The following ARHGAP6 variants were observed in gnomAD, a reference collection of about 807,000 sequenced individuals.
ARHGAP6 encodes the protein rho GTPase-activating protein 6.
In ARHGAP6, 16 loss-of-function variants were observed where a neutral mutation model predicts 55.7. The observed-to-expected ratio is 0.29, with a 90% CI of 0.19 to 0.44. The LOEUF is 0.44. Among genes scored for constraint, ARHGAP6 ranks in the 20% least tolerant of loss-of-function variants. The probability of loss-of-function intolerance (pLI) is 1.00; values close to 1 mark genes in which losing one functional copy is unlikely to be tolerated. For missense variants in ARHGAP6, 698 were observed against 808.9 expected (o/e 0.86, Z 1.66); for synonymous variants, 382 against 360.9 (o/e 1.06, Z -0.66).
chrX:11,174,032 T>A (rs1422053821), intron 8 of ARHGAP6, among the ~76,000 whole-genome samples: 1 of 111,980 alleles, frequency 8.9e-6, no homozygotes, highest in Non-Finnish European at 1.9e-5. Context: ...AAATATTGGT[T>A]TTTGACCATA....
chrX:11,395,466 C>T (rs772907533), intron 1 of ARHGAP6, among the ~76,000 whole-genome samples: 10 of 112,150 alleles, frequency 8.9e-5, no homozygotes, highest in African/African-American at 1.3e-4. Context: ...CTCTGATTTG[C>T]GCCATTTGTT....
intron 1 of ARHGAP6, among the ~76,000 whole-genome samples, chrX:11,259,833 C>T (rs1026848523): frequency 3.6e-5 from 4 of 111,331 alleles, no homozygotes; most frequent in Non-Finnish European, 7.5e-5. Flanking sequence ...GAGAGAAGTA[C>T]AGTAAGGCGT....
intron 1 of ARHGAP6, among the ~76,000 whole-genome samples, chrX:11,489,112 A>C (rs897307943): frequency 8.9e-6 from 1 of 112,245 alleles, no homozygotes; most frequent in African/African-American, 3.2e-5. Context: ...TATTTGAGCC[A>C]GTGTTTGCTC....
chrX:11,361,379 AC>A (rs2049008629), intron 1 of ARHGAP6, among the ~76,000 whole-genome samples: 1 of 110,979 alleles, frequency 9.0e-6, no homozygotes, highest in Non-Finnish European at 1.9e-5. Flanking sequence ...TCTTTGACAA[AC>A]CTGAGAAAAA....
At chrX:11,500,610 G>A (rs748162962) in intron 1 of ARHGAP6, among the ~76,000 whole-genome samples, 281 of 99,757 alleles carry the variant, frequency 2.8e-3, no homozygotes, top group African/African-American at 0.01. Flanking sequence ...TTAGTTAGCC[G>A]AGCCGAGATG....
chrX:11,518,139 TTTTC>T (rs1369903752), intron 1 of ARHGAP6, among the ~76,000 whole-genome samples: 3 of 110,775 alleles, frequency 2.7e-5, no homozygotes, highest in Non-Finnish European at 5.7e-5. Context: ...TTCAATTTTC[TTTTC>T]TTTCTTTTCT....
At chrX:11,479,041 T>C (rs928475515) in intron 1 of ARHGAP6, among the ~76,000 whole-genome samples, 1 of 112,355 alleles carries the variant, frequency 8.9e-6, no homozygotes, top group Non-Finnish European at 1.9e-5. Flanking sequence ...AATGGCAATC[T>C]GGCCATGACA....
chrX:11,312,972 G>C, intron 1 of ARHGAP6, among the ~76,000 whole-genome samples: 1 of 111,931 alleles, frequency 8.9e-6, no homozygotes, highest in African/African-American at 3.2e-5. Context: ...TACTCAATTT[G>C]TTCATGGGGG....
chrX:11,227,692 C>T (rs751186840), intron 2 of ARHGAP6, among the ~76,000 whole-genome samples: 1 of 111,164 alleles, frequency 9.0e-6, no homozygotes, highest in East Asian at 2.8e-4. Context: ...TGTCTTTCCT[C>T]CCAACTCTCC....
chrX:11,571,326 G>A (rs1002825114), intron 1 of ARHGAP6, among the ~76,000 whole-genome samples: 9 of 111,240 alleles, frequency 8.1e-5, no homozygotes, highest in East Asian at 2.8e-4. Context: ...CAGATAGGCT[G>A]GGGTTTAAAT....
Position 11,162,641 on chromosome X carries a change from C to A in ARHGAP6, c.1810-6015G>T, listed in dbSNP as rs764687915. Among the ~76,000 whole-genome samples, 3 of 111,485 alleles carry A rather than the reference C, an allele frequency of 2.7e-5. No individual in the cohort carries two copies. The South Asian group carries it at 1.1e-3, about 42-fold the overall frequency. ...TGAAATGGCTAAAAATAATAATAAT[C>A]TAAAATCACCCAGGATTATGGACTG... On this transcript the variant is annotated intron_variant, in intron 9 of 12. Coordinates refer to ENST00000337414, the MANE Select transcript of ARHGAP6 (RefSeq NM_013427.3).
chrX:11,289,162 A>G (rs1456825106), intron 1 of ARHGAP6, among the ~76,000 whole-genome samples: 1 of 112,037 alleles, frequency 8.9e-6, no homozygotes. Flanking sequence ...GTGAATGTTT[A>G]TATTATTAAA....
intron 1 of ARHGAP6, among the ~76,000 whole-genome samples, chrX:11,473,653 G>C (rs1416580548): frequency 9.0e-6 from 1 of 111,650 alleles, no homozygotes; most frequent in Non-Finnish European, 1.9e-5. Context: ...AGGGATCATG[G>C]CACTGCTGAC....
intron 1 of ARHGAP6, among the ~76,000 whole-genome samples, chrX:11,342,533 AT>A (rs992584826): frequency 8.9e-6 from 1 of 112,003 alleles, no homozygotes; most frequent in African/African-American, 3.2e-5. Context: ...ATTTAAGTAA[AT>A]TCAATGAAAG....
intron 1 of ARHGAP6, among the ~76,000 whole-genome samples, chrX:11,569,187 T>A (rs1211019637): frequency 9.0e-6 from 1 of 111,234 alleles, no homozygotes; most frequent in Non-Finnish European, 1.9e-5. Context: ...CATTTTTGGT[T>A]GTAGCAACTT....
Position 11,186,330 on chromosome X carries a change from C to G in ARHGAP6, c.1179G>C (p.Lys393Asn), listed in dbSNP as rs199543482. ...LSLPAEAQSK[K>N]EKARDKKLSL... Reference sequence around the variant, plus strand: ...TGAGTTTCTTATCTCTGGCTTTTTCCTTTTTACTTTGAGCCTCAGCAGGCA... The same window carrying G: ...TGAGTTTCTTATCTCTGGCTTTTTCGTTTTTACTTTGAGCCTCAGCAGGCA... The change falls in exon 5 of 13, where the codon AAG becomes AAC. Residue 393 changes from lysine to asparagine, a missense_variant. Coordinates refer to ENST00000337414, the MANE Select transcript of ARHGAP6 (RefSeq NM_013427.3). 2.8e-5 allele frequency: 34 copies of G among 1,209,462 alleles called. No individual in the cohort carries two copies. In the Middle Eastern group the frequency reaches 9.2e-4, roughly 33 times the overall value.
intron 2 of ARHGAP6, among the ~76,000 whole-genome samples, chrX:11,241,099 T>C (rs1180682798): frequency 3.0e-5 from 3 of 100,466 alleles, no homozygotes; most frequent in African/African-American, 1.1e-4. Flanking sequence ...AAAAAAGCAA[T>C]ATGAAGAAAT....
chrX:11,444,764 A>T (rs1314702983), intron 1 of ARHGAP6, among the ~76,000 whole-genome samples: 1 of 107,183 alleles, frequency 9.3e-6, no homozygotes, highest in Non-Finnish European at 1.9e-5. Context: ...ACTTTTGCAT[A>T]CTTATTTTAG....
intron 1 of ARHGAP6, among the ~76,000 whole-genome samples, chrX:11,522,335 C>T (rs1308668796): frequency 9.0e-6 from 1 of 110,634 alleles, no homozygotes; most frequent in African/African-American, 3.3e-5. Flanking sequence ...ACTAGAGAAG[C>T]AAGAGCAAAC....
Sources: allele counts gnomAD v4.1 joint callset (sites outside exome capture counted in the v4.1 genomes callset), GRCh38; gene constraint gnomAD v4.1.1; transcripts MANE v1.5; gene names NCBI Gene and HGNC (gene_info 2026-07-23, HGNC 2026-07-21).